SMIM8: variants seen among roughly 807,000 people sequenced by gnomAD.
SMIM8 encodes small integral membrane protein 8.
A neutral mutation model predicts 8.1 loss-of-function variants in SMIM8; 8 were observed. The ratio of observed to expected loss-of-function variants is 0.99; its 90% CI spans 0.58 to 1.78. SMIM8 has a LOEUF of 1.78. Ranked by LOEUF, SMIM8 falls within the 40% of genes most tolerant of loss-of-function variation. SMIM8 has a pLI of 0.00. For synonymous variants in SMIM8, 45 were observed against 39.7 expected, an observed-to-expected ratio of 1.13 and a Z score of -0.50; for missense variants, 126 against 119.8, an observed-to-expected ratio of 1.05 and a Z score of -0.24.
intron 3 of SMIM8, among the ~76,000 whole-genome samples, chr6:87,339,621 A>G (rs1777179553): frequency 6.6e-6 from 1 of 152,030 alleles, no homozygotes. Context: ...TTCTGTGCCT[A>G]TTATATAAAA....
chr6:87,322,919 A>G (rs956867398), intron 1 of SMIM8: 6 of 152,130 alleles, frequency 3.9e-5, no homozygotes, highest in Non-Finnish European at 8.8e-5. Context: ...CCACCCCGAG[A>G]ACTCTCTCGT....
intron 1 of SMIM8, among the ~76,000 whole-genome samples, chr6:87,328,194 G>T (rs180759813): frequency 0.011 from 1,698 of 152,192 alleles, 36 homozygotes; most frequent in African/African-American, 0.037. Flanking sequence ...TTTGCCTTTG[G>T]TTTGAATTTC....
At position 87,337,130 on chromosome 6, in the gene SMIM8, A is replaced by G; in HGVS notation, c.99A>G (p.Leu33=). ...PGLRGVRTTT[L]FRAVNPELFI... The stretch of plus-strand genomic sequence containing the variant: ...TCAGAGGGGTGCGCACAACAACCTT[A>G]TTTCGTGCTGTGAATCCAGAGCTCT... Residue 33 remains leucine (L), a synonymous_variant, in exon 3 of 4, where the codon TTA becomes TTG. Transcript: ENST00000392863. 6.2e-7 allele frequency: 1 copy of G among 1,612,828 alleles called. No homozygotes were observed. The highest frequency in any genetic ancestry group is 2.2e-5 in the East Asian group (1 of 44,844).
intron 3 of SMIM8, among the ~76,000 whole-genome samples, chr6:87,338,906 C>CTTTTTTTTTTTTTTT (rs58307492): frequency 8.6e-6 from 1 of 116,102 alleles, no homozygotes. Context: ...TATTTAAAAG[C>CTTTTTTTTTTTTTTT]TTTTTTTTTT....
At chr6:87,332,320 C>CATATATATATATAT (rs1209129014) in intron 2 of SMIM8, among the ~76,000 whole-genome samples, 14 of 93,106 alleles carry the variant, frequency 1.5e-4, no homozygotes, top group African/African-American at 6.2e-4. Context: ...CCTCCCCCCC[C>CATATATATATATAT]ATATATGTAT....
intron 1 of SMIM8, among the ~76,000 whole-genome samples, chr6:87,325,968 T>C (rs1387938970): frequency 6.6e-6 from 1 of 152,234 alleles, no homozygotes; most frequent in Non-Finnish European, 1.5e-5. Context: ...TATTAAGAGA[T>C]TCAACTTCTT....
intron 2 of SMIM8, among the ~76,000 whole-genome samples, chr6:87,335,917 G>A (rs1562224501): frequency 6.6e-6 from 1 of 151,512 alleles, no homozygotes; most frequent in African/African-American, 2.4e-5. Flanking sequence ...GGGAGGTTGA[G>A]GTGGGAGGAT....
rs184998077 is a variant in SMIM8 at position 87,329,460 on chromosome 6, A to T, written c.-44-1232A>T. Among the ~76,000 whole-genome samples the T allele has an allele frequency of 4.5e-4, 68 of 152,222 alleles. No homozygotes were observed. The East Asian group carries it at 0.013, about 28-fold the overall frequency. On this transcript the variant is annotated intron_variant, in intron 1 of 3. Transcript: ENST00000392863. ...CAGCTAATTTTTGTATTTTTAGTAG[A>T]GACGGGGTTTCACCATATTGGCTAC...
rs372520664 is a variant in SMIM8, at chr6:87,340,260, T to C, written c.280T>C (p.Ser94Pro). 2.6e-5 allele frequency: 41 copies of C among 1,599,290 alleles called. No individual in the cohort carries two copies. The highest frequency in any genetic ancestry group is 1.4e-4 in the Admixed American group (8 of 56,050). ...EGHSYMRRKT[S>P]KWD ...GCACAGTTATATGAGGCGGAAAACA[T>C]CCAAATGGGATTAGTAGTGCTGGTT... The change falls in exon 4 of 4, where the codon TCC (serine) becomes CCC (proline). Residue 94 changes from serine to proline, a missense_variant. Transcript: ENST00000392863.
At position 87,340,330 on chromosome 6, in the gene SMIM8, A is replaced by G; in HGVS notation, c.*56A>G. On this transcript the variant is annotated 3_prime_UTR_variant, in exon 4 of 4. Coordinates refer to ENST00000392863, the MANE Select transcript of SMIM8 (RefSeq NM_001042493.3). ...TAAAGGTTCTGAAATCTTCAAATGA[A>G]AGACCTTGTGAGTGTACAGTATCAT... 1 of 1,472,258 alleles carries G rather than the reference A, an allele frequency of 6.8e-7. No homozygotes were observed. The highest frequency in any genetic ancestry group is 9.0e-7 in the Non-Finnish European group (1 of 1,112,008). The allele number at this position is 1,472,258 out of a possible 1,614,324, so 91.2% of individuals were successfully genotyped here.
At chr6:87,330,410 A>G (rs906825958) in intron 1 of SMIM8, among the ~76,000 whole-genome samples, 2 of 152,318 alleles carry the variant, frequency 1.3e-5, no homozygotes, top group East Asian at 1.9e-4. Flanking sequence ...TATTCTTTAT[A>G]TCTTAGTCTA....
intron 3 of SMIM8, 152 bp downstream of exon 3, chr6:87,337,318 AT>A: frequency 1.3e-6 from 1 of 749,360 alleles, no homozygotes; most frequent in Non-Finnish European, 2.0e-6. Flanking sequence ...ACGATTGTAA[AT>A]GCTGTTTCAC....
chr6:87,334,230 G>A (rs1460582841), intron 2 of SMIM8, among the ~76,000 whole-genome samples: 1 of 152,190 alleles, frequency 6.6e-6, no homozygotes, highest in Non-Finnish European at 1.5e-5. Context: ...TTGAGATTTA[G>A]AGGGGACAAA....
intron 2 of SMIM8, among the ~76,000 whole-genome samples, chr6:87,335,567 A>G (rs1488594300): frequency 6.6e-6 from 1 of 152,156 alleles, no homozygotes; most frequent in Non-Finnish European, 1.5e-5. Flanking sequence ...ACCCAATTAA[A>G]TGATATAGAT....
intron 1 of SMIM8, among the ~76,000 whole-genome samples, chr6:87,324,216 T>C (rs571958495): frequency 1.1e-3 from 169 of 152,258 alleles, no homozygotes; most frequent in African/African-American, 3.8e-3. Flanking sequence ...TTCTCCCATT[T>C]TGTAGGTTGC....
At chr6:87,334,959 C>G (rs1217747730) in intron 2 of SMIM8, among the ~76,000 whole-genome samples, 1 of 152,138 alleles carries the variant, frequency 6.6e-6, no homozygotes, top group African/African-American at 2.4e-5. Context: ...TGAGTTTTTC[C>G]CATTGAACTA....
At chr6:87,324,877 C>T (rs1373559651) in intron 1 of SMIM8, among the ~76,000 whole-genome samples, 1 of 152,194 alleles carries the variant, frequency 6.6e-6, no homozygotes, top group Non-Finnish European at 1.5e-5. Flanking sequence ...GCCATTTTCA[C>T]AATGTTGATT....
intron 2 of SMIM8, 57 bp from the exon 3 acceptor site, chr6:87,336,952 G>T (rs1003358410): frequency 2.2e-6 from 3 of 1,373,304 alleles, no homozygotes; most frequent in Non-Finnish European, 1.9e-6. Flanking sequence ...ACTTTTTAAA[G>T]AAATTTATCA....
At chr6:87,334,941 G>A (rs1276581796) in intron 2 of SMIM8, among the ~76,000 whole-genome samples, 1 of 152,214 alleles carries the variant, frequency 6.6e-6, no homozygotes, top group Non-Finnish European at 1.5e-5. Context: ...CTTGGATCAT[G>A]TAGGGGTTGA....
Sources: gnomAD v4.1 joint callset for allele counts (sites outside exome capture counted in the v4.1 genomes callset) on GRCh38, gnomAD v4.1.1 for gene constraint, MANE v1.5 for transcripts, NCBI Gene and HGNC (gene_info 2026-07-23, HGNC 2026-07-21) for gene names.